Variants in TRIM26 observed in about 807,000 individuals in gnomAD.
TRIM26 encodes tripartite motif containing 26.
TRIM26 carries 16 observed loss-of-function variants against 45.5 expected under a neutral mutation model. The observed-to-expected ratio is 0.35, with a 90% CI of 0.24 to 0.53. The LOEUF (loss-of-function observed/expected upper bound fraction) is 0.53, where lower values mean the gene tolerates loss of function less well. Among genes scored for constraint, TRIM26 ranks in the 20% least tolerant of loss-of-function variants. TRIM26 has a pLI of 0.92. For synonymous variants in TRIM26, 273 were observed against 290.4 expected, an observed-to-expected ratio of 0.94 and a Z score of 0.61; for missense variants, 442 against 691.1, an observed-to-expected ratio of 0.64 and a Z score of 4.04.
chr6:30,186,170 A>G lies in TRIM26; in HGVS notation c.1326T>C (p.Ala442=), dbSNP rs748341887. The change falls in exon 10 of 10, where the codon GCT becomes GCC. Residue 442 remains alanine (A), a synonymous_variant. Coordinates refer to ENST00000454678, the MANE Select transcript of TRIM26 (RefSeq NM_003449.5). The surrounding 1 kb of genome is among the most constrained non-coding windows in gnomAD (Gnocchi z 7.4). ...CTCCCTTCCTCTTCACAGAGTCTCT[A>G]GCCACCCCCACCATGCAGCTTTCCA... ...EVLESCMVGV[A]RDSVKRKGDL... The G allele has an allele frequency of 3.8e-6, 6 of 1,597,156 alleles. No individual in the cohort carries two copies. The highest frequency in any genetic ancestry group is 4.3e-6 in the Non-Finnish European group (5 of 1,171,482).
At chr6:30,195,437 A>G (rs1200728568) in intron 6 of TRIM26, among the ~76,000 whole-genome samples, 1 of 152,130 alleles carries the variant, frequency 6.6e-6, no homozygotes, top group East Asian at 1.9e-4. Flanking sequence ...TCTGGGCTCA[A>G]GCTGTGACCT....
Position 30,198,369 on chromosome 6 carries a change from G to C in TRIM26, c.534+60C>G, listed in dbSNP as rs1338674251. On this transcript the variant is annotated intron_variant, in intron 5 of 9. Transcript: ENST00000454678. The surrounding 1 kb of genome is among the most constrained non-coding windows in gnomAD (Gnocchi z 6.3). Reference sequence around the variant, plus strand: ...CTCCCAGCTGCCGCCTACTTGCCCAGGCTCACCCTGCCCTACACGGGCGCA... The same window carrying C: ...CTCCCAGCTGCCGCCTACTTGCCCACGCTCACCCTGCCCTACACGGGCGCA... 1 of 1,593,544 alleles carries C rather than the reference G, an allele frequency of 6.3e-7. No homozygotes were observed. The highest frequency in any genetic ancestry group is 1.7e-5 in the Admixed American group (1 of 59,810).
intron 5 of TRIM26, among the ~76,000 whole-genome samples, chr6:30,197,532 A>C (rs1426587134): frequency 6.6e-6 from 1 of 152,128 alleles, no homozygotes; most frequent in African/African-American, 2.4e-5. Flanking sequence ...AGTTCCCCCC[A>C]ACCCCATCTC....
chr6:30,189,531 T>C lies in TRIM26; in HGVS notation c.791A>G (p.Tyr264Cys). 6.2e-7 allele frequency: 1 copy of C among 1,611,808 alleles called. No homozygotes were observed. Among genetic ancestry groups the C allele is most frequent in the Non-Finnish European group, 8.5e-7 (1 of 1,178,906 alleles). ...MQDTRDFLNR[Y>C]PRKKFWVGKP... The stretch of plus-strand genomic sequence containing the variant: ...CCCAACCCAGAACTTCTTCCGTGGA[T>C]ACCTAAGAAGATGACATACATAACA... The change falls in exon 8 of 10, where the codon TAT becomes TGT. Residue 264 changes from tyrosine (Y) to cysteine (C), a missense_variant and splice_region_variant. Transcript: ENST00000454678. This position sits in a 1 kb window ranked among gnomAD's most constrained non-coding sequence, Gnocchi z 5.0.
rs149933309 is a variant in TRIM26, at chr6:30,186,353, C to T, written c.1143G>A (p.Glu381=). The T allele has an allele frequency of 2.4e-5, 38 of 1,612,746 alleles. No homozygotes were observed. In the African/African-American group the frequency reaches 2.7e-4, roughly 11 times the overall value. ...EVEVEREGWS[E]DEEEGDEEEE... The stretch of plus-strand genomic sequence containing the variant: ...CCTCCTCATCCCCCTCTTCTTCATC[C>T]TCAGACCAGCCCTCCCTCTCCACTT... The change falls in exon 10 of 10, where the codon GAG becomes GAA. Residue 381 remains glutamate (E), a synonymous_variant. Transcript: ENST00000454678. The surrounding 1 kb of genome is among the most constrained non-coding windows in gnomAD (Gnocchi z 7.4).
rs544782880 is a variant in TRIM26 at position 30,196,476 on chromosome 6, G to C, written c.765+40C>G. The C allele has an allele frequency of 1.9e-6, 3 of 1,587,718 alleles. No homozygotes were observed. In the Admixed American group the frequency reaches 5.0e-5, roughly 27 times the overall value. ...GTGAATGGCAGGGCTGGGACCCACC[G>C]TCCTGGTCCCTGGCGCCCTGCCCAG... On this transcript the variant is annotated intron_variant, in intron 6 of 9. Coordinates refer to ENST00000454678, the MANE Select transcript of TRIM26 (RefSeq NM_003449.5). This position sits in a 1 kb window ranked among gnomAD's most constrained non-coding sequence, Gnocchi z 4.9.
chr6:30,191,586 G>A (rs1436421365), intron 6 of TRIM26, among the ~76,000 whole-genome samples: 2 of 152,094 alleles, frequency 1.3e-5, no homozygotes. Context: ...TGGGGTGCAG[G>A]CTGGCTTCCT....
rs947167084 is a variant in TRIM26 at position 30,207,326 on chromosome 6, C to T, written c.-375-2561G>A. On this transcript the variant is annotated intron_variant, in intron 1 of 9. Coordinates refer to ENST00000454678, the MANE Select transcript of TRIM26 (RefSeq NM_003449.5). This position sits in a 1 kb window ranked among gnomAD's most constrained non-coding sequence, Gnocchi z 4.9. ...TATGTGTCAGGCACCGAGGTTACAG[C>T]AGAGAACAAAAGTGGCAAACTCCCT... Among the ~76,000 whole-genome samples, 4 of 152,142 alleles carry T rather than the reference C, an allele frequency of 2.6e-5. No homozygotes were observed. The highest frequency in any genetic ancestry group is 4.8e-5 in the African/African-American group (2 of 41,422).
intron 6 of TRIM26, among the ~76,000 whole-genome samples, chr6:30,191,836 A>G (rs1775876038): frequency 1.3e-5 from 2 of 152,256 alleles, no homozygotes; most frequent in East Asian, 1.9e-4. Flanking sequence ...AGGACAGGCA[A>G]CAAAACAGAC....
chr6:30,204,112 T>C lies in TRIM26; in HGVS notation c.-266+544A>G, dbSNP rs147932177. 4.4e-3 allele frequency among the ~76,000 whole-genome samples: 676 copies of C among 152,268 alleles called. 2 individuals are homozygous for C. The highest frequency in any genetic ancestry group is 0.011 in the African/African-American group (476 of 41,544). On this transcript the variant is annotated intron_variant, in intron 2 of 9. Transcript: ENST00000454678. ...TGAGAGTCTGCCATAACCAGATAAATGAAACACAGTACCACTTCTATGACC... is the reference window on the plus strand; with the variant it reads ...TGAGAGTCTGCCATAACCAGATAAACGAAACACAGTACCACTTCTATGACC...
chr6:30,200,290 C>CA lies in TRIM26; in HGVS notation c.-162+744dup, dbSNP rs11435158. Among the ~76,000 whole-genome samples, 1,156 of 152,094 alleles carry CA rather than the reference C, an allele frequency of 7.6e-3. 8 individuals are homozygous for CA. Among genetic ancestry groups the CA allele is most frequent in the Middle Eastern group, 0.024 (7 of 292 alleles). On this transcript the variant is annotated intron_variant, in intron 3 of 9. Transcript: ENST00000454678. ...GAATAAGAGACTGTCTCAAAACAAACAAAAAACCAGAAAACATTAAAAAAC... is the reference window on the plus strand; with the variant it reads ...GAATAAGAGACTGTCTCAAAACAAACAAAAAAACCAGAAAACATTAAAAAAC...
At position 30,189,078 on chromosome 6, in the gene TRIM26, A is replaced by G. The variant is rs1374316082; in HGVS notation, c.937+89T>C. On this transcript the variant is annotated intron_variant, in intron 9 of 9. Coordinates refer to ENST00000454678, the MANE Select transcript of TRIM26 (RefSeq NM_003449.5). The surrounding 1 kb of genome is among the most constrained non-coding windows in gnomAD (Gnocchi z 5.0). ...AATTCTTCCTGTTGCAAAAGGGGCTACCTGGGGGAAAAGTGAGCAGTCAGA... is the reference window on the plus strand; with the variant it reads ...AATTCTTCCTGTTGCAAAAGGGGCTGCCTGGGGGAAAAGTGAGCAGTCAGA... 6.9e-7 allele frequency: 1 copy of G among 1,440,012 alleles called. No individual in the cohort carries two copies. Among genetic ancestry groups the G allele is most frequent in the Non-Finnish European group, 9.5e-7 (1 of 1,054,572 alleles). 89.2% of individuals were successfully genotyped at this position (1,440,012 alleles called of 1,614,324 possible).
Position 30,198,177 on chromosome 6 carries a change from C to G in TRIM26, c.534+252G>C, listed in dbSNP as rs1453911839. Among the ~76,000 whole-genome samples the G allele has an allele frequency of 3.9e-5, 6 of 152,228 alleles. No homozygotes were observed. The highest frequency in any genetic ancestry group is 1.2e-4 in the African/African-American group (5 of 41,454). Reference sequence around the variant, plus strand: ...GGCCCTGCCTTCAAGGTGACAGTCACAGAAAACGGAAGGGACTCTAGCTGA... The same window carrying G: ...GGCCCTGCCTTCAAGGTGACAGTCAGAGAAAACGGAAGGGACTCTAGCTGA... On this transcript the variant is annotated intron_variant, in intron 5 of 9. Transcript: ENST00000454678. This position sits in a 1 kb window ranked among gnomAD's most constrained non-coding sequence, Gnocchi z 6.3.
intron 2 of TRIM26, among the ~76,000 whole-genome samples, chr6:30,204,238 T>C (rs1241658139): frequency 1.3e-5 from 2 of 152,194 alleles, no homozygotes; most frequent in Non-Finnish European, 2.9e-5. Flanking sequence ...CAGTGTCTGG[T>C]GCCAAGGCCT....
In TRIM26 at chr6:30,186,209, TTCCTCC is replaced by T; in HGVS notation, c.1281_1286del (p.Glu431_Glu432del). ...TGCAGCTTTCCAGAACTTCCTCCTC[TTCCTCC>T]TCCTCTTCTTCCTCTTCATCGCCCA... On this transcript the variant is annotated inframe_deletion, in exon 10 of 10. Transcript: ENST00000454678. The surrounding 1 kb of genome is among the most constrained non-coding windows in gnomAD (Gnocchi z 7.4). 1 of 1,596,632 alleles carries T rather than the reference TTCCTCC, an allele frequency of 6.3e-7. No individual in the cohort carries two copies. The highest frequency in any genetic ancestry group is 8.5e-7 in the Non-Finnish European group (1 of 1,171,118).
rs1775601757 is a variant in TRIM26, at chr6:30,189,602, A to G, written c.789-69T>C. On this transcript the variant is annotated intron_variant, in intron 7 of 9. Coordinates refer to ENST00000454678, the MANE Select transcript of TRIM26 (RefSeq NM_003449.5). This position sits in a 1 kb window ranked among gnomAD's most constrained non-coding sequence, Gnocchi z 5.0. ...TACTTTCCTTCATACTTATCTCTCA[A>G]TCCTCATGGCAATTATGAAGGGGAG... 7.7e-7 allele frequency: 1 copy of G among 1,294,898 alleles called. No individual in the cohort carries two copies. 80.2% of individuals were successfully genotyped at this position (1,294,898 alleles called of 1,614,324 possible).
At chr6:30,188,009 G>A (rs1304833368) in intron 9 of TRIM26, among the ~76,000 whole-genome samples, 2 of 146,364 alleles carry the variant, frequency 1.4e-5, no homozygotes, top group African/African-American at 5.1e-5. Context: ...CACGAGGTCA[G>A]GAGATCGAGA....
At chr6:30,210,794 C>G (rs1473516912) in intron 1 of TRIM26, among the ~76,000 whole-genome samples, 1 of 152,158 alleles carries the variant, frequency 6.6e-6, no homozygotes, top group Non-Finnish European at 1.5e-5. Context: ...TTGTACTGTA[C>G]TTACCCTTCT....
At chr6:30,212,025 A>T (rs2127541626) in intron 1 of TRIM26, among the ~76,000 whole-genome samples, 1 of 152,354 alleles carries the variant, frequency 6.6e-6, no homozygotes, top group Middle Eastern at 3.4e-3. Context: ...GACTAACTGT[A>T]CAGTGGAGAA....
Sources: gnomAD v4.1 joint callset for allele counts (sites outside exome capture counted in the v4.1 genomes callset) on GRCh38, gnomAD v4.1.1 for gene constraint, Gnocchi (gnomAD v3.1) non-coding constraint, MANE v1.5 for transcripts, NCBI Gene and HGNC (gene_info 2026-07-23, HGNC 2026-07-21) for gene names.